Variants in CD200R1L observed in about 807,000 individuals in gnomAD.
The protein encoded by CD200R1L is CD200 receptor 1 like, also known as cell surface glycoprotein CD200 receptor 2.
CD200R1L carries 14 observed loss-of-function variants against 24.8 expected under a neutral mutation model. That is an observed-to-expected ratio of 0.56 (90% confidence interval 0.37 to 0.88). The LOEUF (loss-of-function observed/expected upper bound fraction) is 0.88, where lower values mean the gene tolerates loss of function less well. Ranked by LOEUF, CD200R1L falls within the 40% of genes least tolerant of loss-of-function variation. The pLI, the probability that CD200R1L is intolerant of heterozygous loss-of-function variation, is 0.00. For synonymous variants in CD200R1L, 111 were observed against 109.2 expected (o/e 1.02, Z -0.11); for missense variants, 299 against 297.8 (o/e 1.00, Z -0.03).
chr3:112,841,414 C>T (rs1261177551), intron 2 of CD200R1L: 1 of 309,924 alleles, frequency 3.2e-6, no homozygotes, highest in Non-Finnish European at 6.7e-6. Context: ...TTCTTTATAG[C>T]AATGTGAGAA....
intron 4 of CD200R1L, among the ~76,000 whole-genome samples, chr3:112,828,739 A>G (rs1449378302): frequency 1.3e-5 from 2 of 152,118 alleles, no homozygotes; most frequent in Non-Finnish European, 2.9e-5. Context: ...GCCAACATAG[A>G]TTCTCATGCA....
chr3:112,815,838 T>G lies in CD200R1L; in HGVS notation c.*125A>C. 1.4e-6 allele frequency: 1 copy of G among 698,858 alleles called. No individual in the cohort carries two copies. Among genetic ancestry groups the G allele is most frequent in the South Asian group, 1.7e-5 (1 of 59,528 alleles). 43.3% of individuals were successfully genotyped at this position (698,858 alleles called of 1,614,324 possible). A position where few individuals can be genotyped will look rare whatever the true frequency, so the allele number is the denominator to read the frequency against. Reference sequence around the variant, plus strand: ...CTTCCATCTTTCTTTTCTTCTATCCTACTGAGTGGCTTCTATCCTTAACAT... The same window carrying G: ...CTTCCATCTTTCTTTTCTTCTATCCGACTGAGTGGCTTCTATCCTTAACAT... On this transcript the variant is annotated 3_prime_UTR_variant, in exon 8 of 8. Transcript: ENST00000488794.
chr3:112,832,835 C>A (rs996230242), intron 3 of CD200R1L, among the ~76,000 whole-genome samples: 36 of 152,244 alleles, frequency 2.4e-4, no homozygotes, highest in Middle Eastern at 3.4e-3. Context: ...TATGGTCTTG[C>A]CTTAATTTCT....
intron 3 of CD200R1L, among the ~76,000 whole-genome samples, chr3:112,836,102 G>A (rs1938936409): frequency 6.6e-6 from 1 of 152,258 alleles, no homozygotes; most frequent in Admixed American, 6.5e-5. Context: ...CCAGGATGAA[G>A]CAGGGAGTGA....
intron 2 of CD200R1L, among the ~76,000 whole-genome samples, chr3:112,843,989 CA>C (rs887378335): frequency 6.6e-6 from 1 of 151,956 alleles, no homozygotes; most frequent in African/African-American, 2.4e-5. Context: ...GGGTTCAAAT[CA>C]AAAAAAGAAT....
intron 6 of CD200R1L, among the ~76,000 whole-genome samples, chr3:112,820,102 C>T (rs1255426942): frequency 1.3e-5 from 2 of 152,146 alleles, no homozygotes; most frequent in African/African-American, 2.4e-5. Context: ...TTTTGTACAT[C>T]GTAGGTTTCT....
In CD200R1L at chr3:112,827,658, C is replaced by A. The variant is rs1406315787; in HGVS notation, c.76G>T (p.Asp26Tyr). 4 of 1,613,584 alleles carry A rather than the reference C, an allele frequency of 2.5e-6. No individual in the cohort carries two copies. The highest frequency in any genetic ancestry group is 2.2e-5 in the East Asian group (1 of 44,898). ...GGGCAACAAAGCACAGCATTTATAT[C>A]CATCAGTACAGGCTGTGAAATGTTA... ...EGNISQPVLM[D>Y]INAVLCCPPI... The change falls in exon 5 of 8, where the codon GAT becomes TAT. Residue 26 changes from aspartate to tyrosine, a missense_variant. Transcript: ENST00000488794.
chr3:112,821,298 T>C (rs995788510), intron 6 of CD200R1L, among the ~76,000 whole-genome samples: 2 of 152,182 alleles, frequency 1.3e-5, no homozygotes, highest in African/African-American at 2.4e-5. Context: ...GTCAGACTCA[T>C]ACAAATGAGA....
In CD200R1L at chr3:112,845,940, A is replaced by C. The variant is rs1358366083; in HGVS notation, c.-348T>G. 1.9e-6 allele frequency: 1 copy of C among 523,634 alleles called. No homozygotes were observed. The highest frequency in any genetic ancestry group is 3.4e-6 in the Non-Finnish European group (1 of 295,662). The allele number at this position is 523,634 out of a possible 1,614,324, so 32.4% of individuals were successfully genotyped here. A position where few individuals can be genotyped will look rare whatever the true frequency, so the allele number is the denominator to read the frequency against. On this transcript the variant is annotated 5_prime_UTR_variant, in exon 2 of 8. Coordinates refer to ENST00000488794, the MANE Select transcript of CD200R1L (RefSeq NM_001199215.3). ...TGATTAACCACTGATGGGAAATGTC[A>C]GTGAGTTTTGCTGTGTAATAAAGCA...
At chr3:112,820,878 T>C (rs1336923620) in intron 6 of CD200R1L, among the ~76,000 whole-genome samples, 3 of 151,270 alleles carry the variant, frequency 2.0e-5, no homozygotes, top group Non-Finnish European at 4.4e-5. Flanking sequence ...ACCAACATGG[T>C]GAAACCATGT....
intron 6 of CD200R1L, among the ~76,000 whole-genome samples, chr3:112,826,148 T>G (rs921686352): frequency 1.4e-5 from 1 of 73,230 alleles, no homozygotes; most frequent in African/African-American, 3.3e-5. Flanking sequence ...TTAATATGAT[T>G]ATATTTAATA....
chr3:112,825,924 C>A (rs574247752), intron 6 of CD200R1L, among the ~76,000 whole-genome samples: 1 of 152,228 alleles, frequency 6.6e-6, no homozygotes, highest in Middle Eastern at 3.4e-3. Flanking sequence ...AGAGGCTAGA[C>A]TTGATGGGAG....
chr3:112,836,345 A>G (rs1390123885), intron 3 of CD200R1L, among the ~76,000 whole-genome samples: 1 of 152,264 alleles, frequency 6.6e-6, no homozygotes, highest in East Asian at 1.9e-4. Flanking sequence ...ATCAATAGGC[A>G]GAAGTCCTAC....
At chr3:112,816,456 G>T (rs1011721277) in intron 7 of CD200R1L, among the ~76,000 whole-genome samples, 1 of 152,158 alleles carries the variant, frequency 6.6e-6, no homozygotes, top group Non-Finnish European at 1.5e-5. Context: ...ACCTCATTTT[G>T]TTGGCCAAAG....
intron 2 of CD200R1L, among the ~76,000 whole-genome samples, chr3:112,844,834 G>A (rs1475445648): frequency 1.3e-5 from 2 of 152,150 alleles, no homozygotes; most frequent in Non-Finnish European, 2.9e-5. Flanking sequence ...TGAGGCAAGA[G>A]ACTCTCTTGA....
At chr3:112,816,895 C>T (rs1938408614) in intron 7 of CD200R1L, among the ~76,000 whole-genome samples, 1 of 152,180 alleles carries the variant, frequency 6.6e-6, no homozygotes, top group Admixed American at 6.5e-5. Flanking sequence ...TGCACACACT[C>T]TCTCTTTGCC....
At chr3:112,841,639 G>A (rs1207116220) in intron 2 of CD200R1L, among the ~76,000 whole-genome samples, 1 of 152,144 alleles carries the variant, frequency 6.6e-6, no homozygotes, top group African/African-American at 2.4e-5. Flanking sequence ...CAGGACTAGG[G>A]TGTATCTAAT....
intron 4 of CD200R1L, among the ~76,000 whole-genome samples, chr3:112,828,087 T>C (rs986204320): frequency 2.0e-5 from 3 of 152,226 alleles, no homozygotes; most frequent in South Asian, 4.1e-4. Flanking sequence ...ATACAATTCA[T>C]GTGCCTTGGA....
At chr3:112,838,418 G>A (rs72950332) in intron 2 of CD200R1L, among the ~76,000 whole-genome samples, 14,583 of 150,706 alleles carry the variant, frequency 0.097, 827 homozygotes, top group Admixed American at 0.17. Context: ...AAACTTAGAA[G>A]TACTGGATGA....
Sources: allele counts gnomAD v4.1 joint callset (sites outside exome capture counted in the v4.1 genomes callset), GRCh38; gene constraint gnomAD v4.1.1; transcripts MANE v1.5; gene names NCBI Gene and HGNC (gene_info 2026-07-23, HGNC 2026-07-21).